The following FAM13A variants were observed in gnomAD, a reference collection of about 807,000 sequenced individuals.
FAM13A encodes protein FAM13A.
A neutral mutation model predicts 129.6 loss-of-function variants in FAM13A; 76 were observed. The ratio of observed to expected loss-of-function variants is 0.59; its 90% CI spans 0.49 to 0.71. FAM13A has a LOEUF of 0.71. Ranked by LOEUF, FAM13A falls within the 30% of genes least tolerant of loss-of-function variation. The pLI, the probability that FAM13A is intolerant of heterozygous loss-of-function variation, is 0.00. For synonymous variants in FAM13A, 443 were observed against 449.9 expected (o/e 0.98, Z 0.20); for missense variants, 1,108 against 1,249.3 (o/e 0.89, Z 1.70).
intron 7 of FAM13A, among the ~76,000 whole-genome samples, chr4:88,826,264 G>C (rs1732962783): frequency 6.7e-6 from 1 of 148,556 alleles, no homozygotes. Flanking sequence ...ACTGTTTTGT[G>C]ATGTCCACAG....
At chr4:89,035,912 G>A (rs1031429645) in intron 1 of FAM13A, among the ~76,000 whole-genome samples, 2 of 152,150 alleles carry the variant, frequency 1.3e-5, no homozygotes, top group African/African-American at 4.8e-5. Flanking sequence ...TCCAGTCTCA[G>A]GTAAGGACAT....
At chr4:88,820,761 TAGGGAAGG>T (rs1731734795) in intron 7 of FAM13A, among the ~76,000 whole-genome samples, 1 of 152,192 alleles carries the variant, frequency 6.6e-6, no homozygotes, top group South Asian at 2.1e-4. Context: ...GCAGTGAGTC[TAGGGAAGG>T]AGGGCAACAG....
chr4:88,845,085 A>T (rs1032039681), intron 7 of FAM13A, among the ~76,000 whole-genome samples: 3 of 152,186 alleles, frequency 2.0e-5, no homozygotes, highest in Non-Finnish European at 4.4e-5. Context: ...AGTGGAATGG[A>T]TAAAATATAA....
intron 8 of FAM13A, among the ~76,000 whole-genome samples, chr4:88,792,583 A>G (rs903997017): frequency 2.0e-5 from 3 of 152,050 alleles, no homozygotes; most frequent in African/African-American, 7.2e-5. Flanking sequence ...TAAATTCAAC[A>G]ATATATAATT....
intron 19 of FAM13A, among the ~76,000 whole-genome samples, chr4:88,740,205 T>C (rs141591671): frequency 4.2e-4 from 64 of 152,364 alleles, no homozygotes; most frequent in African/African-American, 1.4e-3. Flanking sequence ...TGCAGCCTTC[T>C]TCCAACATCC....
chr4:88,831,084 T>C (rs1279436069), intron 7 of FAM13A, among the ~76,000 whole-genome samples: 3 of 152,160 alleles, frequency 2.0e-5, no homozygotes, highest in Non-Finnish European at 2.9e-5. Flanking sequence ...CTTATGTAAT[T>C]GTTCCTCAAC....
At chr4:88,929,427 T>C (rs747955399) in intron 5 of FAM13A, among the ~76,000 whole-genome samples, 3 of 152,214 alleles carry the variant, frequency 2.0e-5, no homozygotes, top group Admixed American at 6.5e-5. Flanking sequence ...TATCTGGATG[T>C]CTAACTTTCT....
rs531111541 is a variant in FAM13A at position 88,783,541 on chromosome 4, C to T, written c.1272-2190G>A. Among the ~76,000 whole-genome samples, 14 of 152,276 alleles carry T rather than the reference C, an allele frequency of 9.2e-5. No individual in the cohort carries two copies. The East Asian group carries it at 1.2e-3, about 13-fold the overall frequency. On this transcript the variant is annotated intron_variant, in intron 10 of 23. Coordinates refer to ENST00000264344, the MANE Select transcript of FAM13A (RefSeq NM_014883.4). ...CTCAAACTCCTGCCCGCCTTGGCCT[C>T]CCAAAATGCTGGGATTACAGGCATG...
chr4:88,808,995 C>A (rs1561051838), intron 7 of FAM13A, among the ~76,000 whole-genome samples: 1 of 152,056 alleles, frequency 6.6e-6, no homozygotes, highest in East Asian at 1.9e-4. Context: ...TTAGCAGAGT[C>A]CTGTCTAACT....
chr4:88,868,898 C>T (rs867865147), intron 6 of FAM13A, among the ~76,000 whole-genome samples: 38 of 152,208 alleles, frequency 2.5e-4, no homozygotes, highest in African/African-American at 8.9e-4. Context: ...TCCATCCATA[C>T]ACCAATAATT....
chr4:88,777,915 C>T (rs1722096648), intron 11 of FAM13A, among the ~76,000 whole-genome samples: 1 of 152,208 alleles, frequency 6.6e-6, no homozygotes, highest in Non-Finnish European at 1.5e-5. Context: ...TCTCCTTCCT[C>T]TTTGAGTCCC....
intron 18 of FAM13A, 107 bp downstream of exon 18, chr4:88,747,524 G>A: frequency 1.1e-6 from 1 of 901,156 alleles, no homozygotes; most frequent in East Asian, 2.4e-5. Context: ...AGCCTGGAAG[G>A]CTTAACAAGG....
At chr4:88,800,713 A>G (rs1727284043) in intron 8 of FAM13A, among the ~76,000 whole-genome samples, 1 of 151,404 alleles carries the variant, frequency 6.6e-6, no homozygotes, top group Non-Finnish European at 1.5e-5. Context: ...AAAAAAAGAA[A>G]AAAAAAAGAA....
chr4:88,965,927 T>C (rs1029912036), intron 4 of FAM13A, among the ~76,000 whole-genome samples: 1 of 151,554 alleles, frequency 6.6e-6, no homozygotes, highest in Non-Finnish European at 1.5e-5. Context: ...CTCTTGGTTG[T>C]ATATACTACA....
At chr4:88,763,869 T>TA (rs1745254993) in intron 13 of FAM13A, among the ~76,000 whole-genome samples, 1 of 152,216 alleles carries the variant, frequency 6.6e-6, no homozygotes, top group Admixed American at 6.5e-5. Flanking sequence ...AAAATCCATG[T>TA]GAACTCCAAA....
chr4:88,823,145 T>C (rs1272705089), intron 7 of FAM13A: 4 of 1,502,520 alleles, frequency 2.7e-6, no homozygotes, highest in Non-Finnish European at 3.5e-6. Flanking sequence ...AGAAACAACT[T>C]GCTCTGCAGT....
chr4:88,938,659 T>C (rs953914688), intron 4 of FAM13A, among the ~76,000 whole-genome samples: 3 of 152,190 alleles, frequency 2.0e-5, no homozygotes, highest in African/African-American at 7.2e-5. Flanking sequence ...ACCTTAAAGG[T>C]AGAAATGAAT....
chr4:88,987,974 C>T (rs774324332), intron 4 of FAM13A, among the ~76,000 whole-genome samples: 1 of 151,732 alleles, frequency 6.6e-6, no homozygotes, highest in Non-Finnish European at 1.5e-5. Context: ...GCACAATATT[C>T]CACAGGATGA....
intron 10 of FAM13A, among the ~76,000 whole-genome samples, chr4:88,782,380 C>CT (rs1723125440): frequency 6.6e-6 from 1 of 151,838 alleles, no homozygotes; most frequent in African/African-American, 2.4e-5. Flanking sequence ...ATAAATGAGA[C>CT]TTTATTCTCC....
Sources: gnomAD v4.1 joint callset for allele counts (sites outside exome capture counted in the v4.1 genomes callset) on GRCh38, gnomAD v4.1.1 for gene constraint, MANE v1.5 for transcripts, NCBI Gene and HGNC (gene_info 2026-07-23, HGNC 2026-07-21) for gene names.